The following EGFLAM variants were observed in gnomAD, a reference collection of about 807,000 sequenced individuals.
The protein encoded by EGFLAM is EGF like, fibronectin type III and laminin G domains.
A neutral mutation model predicts 113.1 loss-of-function variants in EGFLAM; 79 were observed. The observed-to-expected ratio is 0.70, with a 90% CI of 0.58 to 0.84. EGFLAM has a LOEUF of 0.84. EGFLAM is among the 40% of genes least tolerant of loss of function. EGFLAM has a pLI of 0.00. For missense variants in EGFLAM, 1,265 were observed against 1,291.6 expected (o/e 0.98, Z 0.32); for synonymous variants, 504 against 487.6 (o/e 1.03, Z -0.44).
chr5:38,353,901 G>A (rs1204878807), intron 5 of EGFLAM, among the ~76,000 whole-genome samples: 3 of 152,188 alleles, frequency 2.0e-5, no homozygotes, highest in Non-Finnish European at 4.4e-5. Flanking sequence ...CATGGACCCA[G>A]CAAAATCTCA....
At chr5:38,434,793 G>A (rs79376343) in intron 15 of EGFLAM, among the ~76,000 whole-genome samples, 3 of 152,314 alleles carry the variant, frequency 2.0e-5, no homozygotes, top group Non-Finnish European at 2.9e-5. Context: ...CATCTGAGCC[G>A]ACAGGTTGGA....
rs547668575 is a variant in EGFLAM, at chr5:38,436,007, A to C, written c.2283+754A>C. On this transcript the variant is annotated intron_variant, in intron 16 of 21. Coordinates refer to ENST00000322350, the MANE Select transcript of EGFLAM (RefSeq NM_152403.4). The stretch of plus-strand genomic sequence containing the variant: ...TAATTTTTGTATTTTTAGTAGAGAC[A>C]GGGTTTCACCATGTTGGCCAGGCTG... 3.9e-5 allele frequency among the ~76,000 whole-genome samples: 6 copies of C among 151,920 alleles called. No homozygotes were observed. In the East Asian group the frequency reaches 1.2e-3, roughly 30 times the overall value.
At chr5:38,319,257 G>A (rs1246880844) in intron 1 of EGFLAM, among the ~76,000 whole-genome samples, 1 of 152,128 alleles carries the variant, frequency 6.6e-6, no homozygotes, top group South Asian at 2.1e-4. Context: ...ACAGGGGTCT[G>A]ATGTGGAGAG....
intron 5 of EGFLAM, among the ~76,000 whole-genome samples, chr5:38,361,524 C>A (rs1739921919): frequency 6.6e-6 from 1 of 152,060 alleles, no homozygotes; most frequent in East Asian, 1.9e-4. Context: ...TGATCTAGAG[C>A]AGGGGTGTCC....
intron 1 of EGFLAM, among the ~76,000 whole-genome samples, chr5:38,303,720 C>T (rs535912275): frequency 4.6e-5 from 7 of 152,226 alleles, no homozygotes; most frequent in Non-Finnish European, 7.4e-5. Context: ...CTACTGTTGC[C>T]CCTACTCAAA....
chr5:38,283,750 T>C (rs2111763854), intron 1 of EGFLAM, among the ~76,000 whole-genome samples: 1 of 152,330 alleles, frequency 6.6e-6, no homozygotes, highest in Middle Eastern at 3.4e-3. Context: ...GAAACACGTA[T>C]GTAGTGGAGT....
chr5:38,310,024 G>A (rs1285482704), intron 1 of EGFLAM, among the ~76,000 whole-genome samples: 1 of 152,308 alleles, frequency 6.6e-6, no homozygotes, highest in Middle Eastern at 3.4e-3. Context: ...AGGACCTCAA[G>A]GATTGCCGAG....
rs751333691 is a variant in EGFLAM at position 38,337,547 on chromosome 5, AGCTGG to A, written c.128_132del (p.Leu43ArgfsTer30). 3 of 1,604,806 alleles carry A rather than the reference AGCTGG, an allele frequency of 1.9e-6. No homozygotes were observed. The highest frequency in any genetic ancestry group is 2.6e-6 in the Non-Finnish European group (3 of 1,174,708). On this transcript the variant is annotated frameshift_variant, in exon 2 of 22. Transcript: ENST00000322350. LOFTEE classifies it high-confidence loss of function. ...AAGGTAGGGCCTCCTCTTGACATCA[AGCTGG>A]GCGCATTGAACTGTACGGCTTTCAG...
chr5:38,338,900 C>T, intron 3 of EGFLAM, 119 bp downstream of exon 3: 1 of 812,932 alleles, frequency 1.2e-6, no homozygotes, highest in Admixed American at 2.2e-5. Flanking sequence ...TTGTAATAGT[C>T]CTTTAGGATT....
chr5:38,313,740 A>G (rs1313994057), intron 1 of EGFLAM, among the ~76,000 whole-genome samples: 1 of 152,190 alleles, frequency 6.6e-6, no homozygotes, highest in Non-Finnish European at 1.5e-5. Context: ...TTAATTACTC[A>G]TGTAATATTT....
At chr5:38,353,194 A>T (rs1233578191) in intron 5 of EGFLAM, among the ~76,000 whole-genome samples, 1 of 152,248 alleles carries the variant, frequency 6.6e-6, no homozygotes, top group Non-Finnish European at 1.5e-5. Flanking sequence ...ATATTAAAGC[A>T]TTGATTCTCA....
intron 15 of EGFLAM, 33 bp downstream of exon 15, chr5:38,431,321 A>G (rs754017141): frequency 6.3e-7 from 1 of 1,598,184 alleles, no homozygotes; most frequent in South Asian, 1.1e-5. Flanking sequence ...CTTGATGGTT[A>G]GTGTGAGCCA....
chr5:38,439,516 G>C (rs377642973), intron 17 of EGFLAM, among the ~76,000 whole-genome samples: 2 of 152,168 alleles, frequency 1.3e-5, no homozygotes, highest in East Asian at 3.8e-4. Flanking sequence ...ATAAATTACA[G>C]GTAGGTATGT....
At chr5:38,424,199 G>T (rs1408877434) in intron 12 of EGFLAM, among the ~76,000 whole-genome samples, 1 of 152,198 alleles carries the variant, frequency 6.6e-6, no homozygotes, top group Non-Finnish European at 1.5e-5. Context: ...CCCATGAAAA[G>T]TCCATTTGTT....
intron 1 of EGFLAM, among the ~76,000 whole-genome samples, chr5:38,289,253 G>A (rs887361191): frequency 6.6e-6 from 1 of 150,964 alleles, no homozygotes; most frequent in African/African-American, 2.5e-5. Flanking sequence ...CTTCTTCCTT[G>A]GCAATTACTC....
intron 3 of EGFLAM, among the ~76,000 whole-genome samples, chr5:38,344,182 A>C (rs1331795602): frequency 3.9e-5 from 6 of 152,250 alleles, no homozygotes; most frequent in Admixed American, 3.3e-4. Flanking sequence ...CAGAGTGAAA[A>C]GTATGCAGTA....
rs1425742346 is a variant in EGFLAM at position 38,286,709 on chromosome 5, G to A, written c.97+27858G>A. Among the ~76,000 whole-genome samples, 4 of 152,168 alleles carry A rather than the reference G, an allele frequency of 2.6e-5. No individual in the cohort carries two copies. In the East Asian group the frequency reaches 7.7e-4, roughly 29 times the overall value. The stretch of plus-strand genomic sequence containing the variant: ...TTTGTAGATATATTGCCATTATGAA[G>A]CTATATCTCTGGATTGAATATCTGA... On this transcript the variant is annotated intron_variant, in intron 1 of 21. Coordinates refer to ENST00000322350, the MANE Select transcript of EGFLAM (RefSeq NM_152403.4).
chr5:38,338,423 G>A (rs1475169686), intron 2 of EGFLAM, among the ~76,000 whole-genome samples: 1 of 152,160 alleles, frequency 6.6e-6, no homozygotes, highest in Non-Finnish European at 1.5e-5. Context: ...TTACCCAGGA[G>A]GCTCATGCAT....
chr5:38,329,990 G>A (rs1738999117), intron 1 of EGFLAM, among the ~76,000 whole-genome samples: 1 of 152,246 alleles, frequency 6.6e-6, no homozygotes, highest in Middle Eastern at 3.4e-3. Flanking sequence ...CCAGGTCCCA[G>A]CAGGGTCCGA....
Sources: allele counts gnomAD v4.1 joint callset (sites outside exome capture counted in the v4.1 genomes callset), GRCh38; gene constraint gnomAD v4.1.1; transcripts MANE v1.5; gene names NCBI Gene and HGNC (gene_info 2026-07-23, HGNC 2026-07-21).